ARHGAP22: variants seen among roughly 807,000 people sequenced by gnomAD.
ARHGAP22 encodes the protein rho GTPase-activating protein 22.
In ARHGAP22, 48 loss-of-function variants were observed where a neutral mutation model predicts 59.1. The observed-to-expected ratio is 0.81, with a 90% CI of 0.64 to 1.03. The LOEUF is 1.03. Ranked by LOEUF, ARHGAP22 falls within the 50% of genes least tolerant of loss-of-function variation. The pLI is 0.00. For missense variants in ARHGAP22, 1,015 were observed against 958.7 expected (o/e 1.06, Z -0.78); for synonymous variants, 445 against 416.4 (o/e 1.07, Z -0.84).
At chr10:48,655,023 T>TTTCC (rs2062733406), upstream of ARHGAP22, among the ~76,000 whole-genome samples, 1 of 63,616 alleles carries the variant, frequency 1.6e-5, no homozygotes, top group African/African-American at 6.0e-5. Context: ...TCTTTCTTTC[T>TTTCC]TTCTTTCATT....
intron 3 of ARHGAP22, among the ~76,000 whole-genome samples, chr10:48,481,533 C>T (rs73296235): frequency 6.6e-6 from 1 of 152,122 alleles, no homozygotes; most frequent in Admixed American, 6.6e-5. Flanking sequence ...CTGAAGAGGG[C>T]CACCCAAGTC....
chr10:48,431,396 A>G, the ARHGAP22 span: 1 of 658,214 alleles, frequency 1.5e-6, no homozygotes, highest in South Asian at 2.2e-5. Flanking sequence ...TAATAAGTAT[A>G]AGGAAATACA....
rs139870992 is a variant in ARHGAP22, at chr10:48,646,021, A to G, written c.52+6213T>C. Among the ~76,000 whole-genome samples the G allele has an allele frequency of 1.5e-3, 223 of 152,362 alleles. 1 individual carries two copies. Among genetic ancestry groups the G allele is most frequent in the African/African-American group, 5.1e-3 (211 of 41,594 alleles). On this transcript the variant is annotated intron_variant, in intron 1 of 9. Transcript: ENST00000435790. The stretch of plus-strand genomic sequence containing the variant: ...CAAAGTTGCAGAATACAAGATGGAC[A>G]TAGCAAAAATCAATTGTATACCTAC...
chr10:48,632,410 AT>A (rs1166487203), intron 1 of ARHGAP22, among the ~76,000 whole-genome samples: 7 of 151,510 alleles, frequency 4.6e-5, no homozygotes, highest in African/African-American at 1.2e-4. Context: ...TATTCAACAT[AT>A]TTTTTTTTCA....
At chr10:48,485,179 A>C (rs2049728086) in intron 3 of ARHGAP22, among the ~76,000 whole-genome samples, 1 of 150,356 alleles carries the variant, frequency 6.7e-6, no homozygotes, top group African/African-American at 2.4e-5. Flanking sequence ...TCTGATCTTT[A>C]TTTTTTTTTC....
intron 2 of ARHGAP22, among the ~76,000 whole-genome samples, chr10:48,564,785 G>A (rs1286350641): frequency 6.6e-6 from 1 of 152,212 alleles, no homozygotes; most frequent in Admixed American, 6.5e-5. Context: ...GTCCCCTCAA[G>A]CTTCCTCAGA....
At chr10:48,518,607 G>A (rs973915594) in intron 3 of ARHGAP22, among the ~76,000 whole-genome samples, 1 of 152,072 alleles carries the variant, frequency 6.6e-6, no homozygotes, top group African/African-American at 2.4e-5. Context: ...TGGGGAGCTG[G>A]AGACCACATG....
chr10:48,553,250 A>C (rs2057041706), intron 3 of ARHGAP22, among the ~76,000 whole-genome samples: 1 of 152,234 alleles, frequency 6.6e-6, no homozygotes, highest in Non-Finnish European at 1.5e-5. Context: ...CTCTCCCTGA[A>C]CTGCTCAGCA....
intron 3 of ARHGAP22, among the ~76,000 whole-genome samples, chr10:48,517,042 C>A (rs933985895): frequency 1.3e-5 from 2 of 152,064 alleles, no homozygotes; most frequent in African/African-American, 4.8e-5. Context: ...TTCATGGTTG[C>A]CTAGGCTGCA....
At chr10:48,546,864 A>C (rs963840137) in intron 3 of ARHGAP22, among the ~76,000 whole-genome samples, 3 of 152,330 alleles carry the variant, frequency 2.0e-5, no homozygotes, top group Admixed American at 6.5e-5. Flanking sequence ...TATCTAGACC[A>C]GGTACCTACT....
intron 2 of ARHGAP22, among the ~76,000 whole-genome samples, chr10:48,564,740 T>C (rs2057940086): frequency 6.6e-6 from 1 of 152,218 alleles, no homozygotes. Flanking sequence ...CAAAGAGTGA[T>C]TTCCCTCTCT....
intron 1 of ARHGAP22, among the ~76,000 whole-genome samples, chr10:48,613,538 T>G (rs1306552541): frequency 6.6e-6 from 1 of 152,164 alleles, no homozygotes; most frequent in Non-Finnish European, 1.5e-5. Context: ...GACTTCATGG[T>G]GCCATGCCCT....
intron 1 of ARHGAP22, among the ~76,000 whole-genome samples, chr10:48,610,621 G>A (rs2060845643): frequency 6.6e-6 from 1 of 152,202 alleles, no homozygotes; most frequent in South Asian, 2.1e-4. Context: ...GGCAGATGCT[G>A]AGGTAAGAGT....
intron 4 of ARHGAP22, 124 bp downstream of exon 4, chr10:48,479,512 G>A (rs2049068404): frequency 3.2e-6 from 5 of 1,547,060 alleles, no homozygotes; most frequent in South Asian, 2.4e-5. Context: ...CCTGCTGTGA[G>A]AAGCACAGGA....
Position 48,450,891 on chromosome 10 carries a change from C to T in ARHGAP22, c.1238G>A (p.Gly413Glu). 1 of 1,588,750 alleles carries T rather than the reference C, an allele frequency of 6.3e-7. No homozygotes were observed. The highest frequency in any genetic ancestry group is 8.6e-7 in the Non-Finnish European group (1 of 1,168,988). Residue 413 changes from glycine (G) to glutamate (E), a missense_variant, in exon 9 of 10, where the codon GGG becomes GAG. Transcript: ENST00000249601. ...VLSRTAPTGPGSRCSPGKKVQ... is the reference protein window; with the variant it reads ...VLSRTAPTGPESRCSPGKKVQ... ...CTTCTTCCCAGGGCTGCACCGGCTC[C>T]CCGGCCCCGTGGGGGCTGTTCTGGA...
chr10:48,645,190 A>G (rs1432110783), intron 1 of ARHGAP22, among the ~76,000 whole-genome samples: 2 of 152,198 alleles, frequency 1.3e-5, no homozygotes, highest in African/African-American at 4.8e-5. Flanking sequence ...CTCCCGCCAC[A>G]GACGTATAAA....
intron 1 of ARHGAP22, among the ~76,000 whole-genome samples, chr10:48,595,556 C>G (rs1265274549): frequency 6.6e-6 from 1 of 152,068 alleles, no homozygotes. Flanking sequence ...TAGAGTCTTG[C>G]TGTATCACCT....
intron 2 of ARHGAP22, among the ~76,000 whole-genome samples, chr10:48,579,001 G>A (rs186885159): frequency 6.6e-6 from 1 of 151,614 alleles, no homozygotes; most frequent in Non-Finnish European, 1.5e-5. Context: ...AGGGATAGAT[G>A]AATCTAACCT....
the ARHGAP22 span, chr10:48,438,302 A>T: frequency 6.6e-6 from 1 of 152,176 alleles, no homozygotes; most frequent in African/African-American, 2.4e-5. Flanking sequence ...GTTTCTACTG[A>T]TCTCTCTTAG....
Sources: gnomAD v4.1 joint callset for allele counts (sites outside exome capture counted in the v4.1 genomes callset) on GRCh38, gnomAD v4.1.1 for gene constraint, MANE v1.5 for transcripts, NCBI Gene and HGNC (gene_info 2026-07-23, HGNC 2026-07-21) for gene names.